The following SQOR variants were observed in gnomAD, a reference collection of about 807,000 sequenced individuals.
The protein encoded by SQOR is sulfide:quinone oxidoreductase, mitochondrial.
Under a neutral mutation model 48.6 loss-of-function variants are expected in SQOR, and 39 were observed. The ratio of observed to expected loss-of-function variants is 0.80; its 90% CI spans 0.62 to 1.05. SQOR has a LOEUF of 1.05. Among genes scored for constraint, SQOR ranks in the 50% least tolerant of loss-of-function variants. The pLI is 0.00. For missense variants in SQOR, 561 were observed against 559.9 expected, an observed-to-expected ratio of 1.00 and a Z score of -0.02; for synonymous variants, 220 against 206.2, an observed-to-expected ratio of 1.07 and a Z score of -0.57.
At chr15:45,668,624 A>C (rs1889880840) in intron 3 of SQOR, among the ~76,000 whole-genome samples, 1 of 152,174 alleles carries the variant, frequency 6.6e-6, no homozygotes, top group African/African-American at 2.4e-5. Flanking sequence ...TCTTGACTGC[A>C]CGTTACTTCC....
intron 1 of SQOR, among the ~76,000 whole-genome samples, chr15:45,637,081 G>T (rs996217569): frequency 6.6e-5 from 10 of 151,480 alleles, no homozygotes; most frequent in Non-Finnish European, 1.5e-4. Flanking sequence ...TCGCAGGTTC[G>T]AGTGATTCGC....
At chr15:45,683,720 A>G (rs1890165798) in intron 7 of SQOR, among the ~76,000 whole-genome samples, 1 of 152,190 alleles carries the variant, frequency 6.6e-6, no homozygotes, top group Admixed American at 6.5e-5. Context: ...ATTTAAAAAA[A>G]AATCTCAAAC....
intron 3 of SQOR, among the ~76,000 whole-genome samples, chr15:45,664,460 A>G (rs1277614376): frequency 6.6e-6 from 1 of 151,804 alleles, no homozygotes; most frequent in East Asian, 1.9e-4. Context: ...ATGTCCCTCA[A>G]TTCTTCCTCA....
chr15:45,637,453 AG>A (rs1895024558), intron 1 of SQOR, among the ~76,000 whole-genome samples: 1 of 152,274 alleles, frequency 6.6e-6, no homozygotes, highest in South Asian at 2.1e-4. Context: ...AAGCCTGGGG[AG>A]GTACTCATTA....
At chr15:45,654,125 A>AC (rs367730658) in intron 1 of SQOR, among the ~76,000 whole-genome samples, 31,690 of 143,966 alleles carry the variant, frequency 0.22, 3,530 homozygotes, top group Admixed American at 0.31. Context: ...CAAAAAAAAA[A>AC]AAAAAAAAAG....
chr15:45,650,214 A>G (rs931848588), intron 1 of SQOR, among the ~76,000 whole-genome samples: 1 of 151,974 alleles, frequency 6.6e-6, no homozygotes, highest in Non-Finnish European at 1.5e-5. Flanking sequence ...ATCTTGACTC[A>G]TTGCCACCTC....
intron 4 of SQOR, 32 bp from the exon 5 acceptor site, chr15:45,673,575 G>A: frequency 6.2e-7 from 1 of 1,601,454 alleles, no homozygotes; most frequent in Non-Finnish European, 8.5e-7. Flanking sequence ...TTGCACTTTT[G>A]TTTAAAATAA....
chr15:45,639,508 A>G (rs1343324379), intron 1 of SQOR, among the ~76,000 whole-genome samples: 2 of 152,252 alleles, frequency 1.3e-5, no homozygotes, highest in Non-Finnish European at 2.9e-5. Flanking sequence ...CCCTAGCTAC[A>G]TGAATGGAGA....
chr15:45,651,665 G>A (rs1302321606), intron 1 of SQOR, among the ~76,000 whole-genome samples: 3 of 152,076 alleles, frequency 2.0e-5, no homozygotes, highest in Non-Finnish European at 4.4e-5. Context: ...ATGGGGTTTT[G>A]GCATCTTGGC....
At chr15:45,632,259 G>C (rs949646749), upstream of SQOR, among the ~76,000 whole-genome samples, 1 of 136,478 alleles carries the variant, frequency 7.3e-6, no homozygotes, top group Non-Finnish European at 1.5e-5. Flanking sequence ...TCGCTCTGTT[G>C]CCCAGGCTGG....
At chr15:45,639,571 G>A (rs1232417281) in intron 1 of SQOR, among the ~76,000 whole-genome samples, 1 of 152,194 alleles carries the variant, frequency 6.6e-6, no homozygotes, top group African/African-American at 2.4e-5. Context: ...TGGGAGGGAG[G>A]GCTGCTTCTG....
chr15:45,676,343 C>T (rs373812014), intron 6 of SQOR, 33 bp downstream of exon 6: 129 of 1,604,490 alleles, frequency 8.0e-5, no homozygotes, highest in East Asian at 6.2e-4. Context: ...CAGCATGAAG[C>T]GTTGTCTGCT....
Position 45,690,965 on chromosome 15 carries a change from T to A in SQOR, c.1296-8T>A. 1 of 1,614,084 alleles carries A rather than the reference T, an allele frequency of 6.2e-7. No homozygotes were observed. The highest frequency in any genetic ancestry group is 1.3e-5 in the African/African-American group (1 of 75,062). Reference sequence around the variant, plus strand: ...TGCAGGTACATTTTTTTGTGTTATTTCTTACAGGGGTTACTGGGGAGGACC... The same window carrying A: ...TGCAGGTACATTTTTTTGTGTTATTACTTACAGGGGTTACTGGGGAGGACC... On this transcript the variant is annotated splice_region_variant and splice_polypyrimidine_tract_variant and intron_variant, in intron 9 of 9. Transcript: ENST00000260324.
intron 2 of SQOR, among the ~76,000 whole-genome samples, chr15:45,661,391 A>G (rs1192170071): frequency 1.3e-5 from 2 of 151,388 alleles, no homozygotes; most frequent in Non-Finnish European, 2.9e-5. Context: ...AGGATCTGGT[A>G]CTTATTGTCT....
At chr15:45,659,655 T>C (rs1595576606) in intron 2 of SQOR, among the ~76,000 whole-genome samples, 1 of 152,352 alleles carries the variant, frequency 6.6e-6, no homozygotes, top group African/African-American at 2.4e-5. Flanking sequence ...TCACAGAATG[T>C]TCTCTGTGTG....
intron 5 of SQOR, 50 bp from the exon 6 acceptor site, chr15:45,676,051 A>G (rs76263791): frequency 2.7e-6 from 4 of 1,485,428 alleles, no homozygotes; most frequent in Non-Finnish European, 1.8e-6. Flanking sequence ...AAAAAAAAAA[A>G]GGCAGCTGCA....
At chr15:45,669,907 T>G in intron 3 of SQOR, 21 bp from the exon 4 acceptor site, 1 of 1,612,216 alleles carries the variant, frequency 6.2e-7, no homozygotes, top group South Asian at 1.1e-5. Flanking sequence ...TGGTCTAAAA[T>G]AATGTCTTTT....
chr15:45,660,331 C>G (rs547889905), intron 2 of SQOR, among the ~76,000 whole-genome samples: 22 of 152,324 alleles, frequency 1.4e-4, no homozygotes, highest in African/African-American at 5.1e-4. Flanking sequence ...AGGGGGCAGT[C>G]TCTATCATTT....
intron 1 of SQOR, among the ~76,000 whole-genome samples, chr15:45,646,230 C>T (rs933378227): frequency 2.0e-5 from 3 of 152,206 alleles, no homozygotes; most frequent in Non-Finnish European, 2.9e-5. Flanking sequence ...TCTGCCCTAT[C>T]GCAGCAGAGA....
Sources: allele counts gnomAD v4.1 joint callset (sites outside exome capture counted in the v4.1 genomes callset), GRCh38; gene constraint gnomAD v4.1.1; transcripts MANE v1.5; gene names NCBI Gene and HGNC (gene_info 2026-07-23, HGNC 2026-07-21).